Variants in COPS5 observed in about 807,000 individuals in gnomAD.
The protein encoded by COPS5 is COP9 signalosome subunit 5.
In COPS5, 8 loss-of-function variants were observed where a neutral mutation model predicts 44.4. The observed-to-expected ratio is 0.18, with a 90% CI of 0.11 to 0.32. The LOEUF (loss-of-function observed/expected upper bound fraction) is 0.32, where lower values mean the gene tolerates loss of function less well. COPS5 is among the 10% of genes least tolerant of loss of function. The pLI is 1.00. For missense variants in COPS5, 159 were observed against 406.4 expected, an observed-to-expected ratio of 0.39 and a Z score of 5.23; for synonymous variants, 122 against 142.8, an observed-to-expected ratio of 0.85 and a Z score of 1.04.
rs1049205618 is a variant in COPS5 at position 67,060,434 on chromosome 8, A to G, written c.144-989T>C. On this transcript the variant is annotated intron_variant, in intron 1 of 7. Transcript: ENST00000357849. ...CCTTTTTAGATGTCTGCCCACAGAA[A>G]GAATCCAAATTTAATTCCTAAGCTT... The G allele has an allele frequency of 3.8e-5, 49 of 1,288,452 alleles. No homozygotes were observed. In the African/African-American group the frequency reaches 7.3e-4, roughly 19 times the overall value. 79.8% of individuals were successfully genotyped at this position (1,288,452 alleles called of 1,614,324 possible).
chr8:67,061,700 G>T, intron 1 of COPS5, 154 bp downstream of exon 1: 2 of 729,820 alleles, frequency 2.7e-6, no homozygotes, highest in South Asian at 1.8e-5. Flanking sequence ...AGCCCCAGCG[G>T]AGGGCTTAGG....
Position 67,056,545 on chromosome 8 carries a change from T to A in COPS5, c.633A>T (p.Ile211=), listed in dbSNP as rs1434879762. The stretch of plus-strand genomic sequence containing the variant: ...GTTTGCAGTGTACACCAAAATCTTC[T>A]ATTTTATTAAGTGGAATAGTCTGGT... ...SEYQTIPLNK[I]EDFGVHCKQY... is the part of the protein sequence containing the mutation. Residue 211 remains isoleucine, a synonymous_variant, in exon 5 of 8, where the codon ATA becomes ATT. Transcript: ENST00000357849. The A allele has an allele frequency of 1.3e-6, 2 of 1,485,578 alleles. No homozygotes were observed. The highest frequency in any genetic ancestry group is 2.5e-5 in the South Asian group (2 of 79,404). The allele number at this position is 1,485,578 out of a possible 1,614,324, so 92.0% of individuals were successfully genotyped here.
At chr8:67,060,701 A>G (rs1804582325) in intron 1 of COPS5, 11 of 310,298 alleles carry the variant, frequency 3.5e-5, no homozygotes, top group South Asian at 2.6e-4. Context: ...TAAATTTCCT[A>G]AGGTCAATCA....
intron 5 of COPS5, among the ~76,000 whole-genome samples, chr8:67,052,419 ATTT>A (rs1284831418): frequency 7.1e-6 from 1 of 141,220 alleles, no homozygotes. Context: ...AAGGTTAAGA[ATTT>A]TTTTTTTTTT....
chr8:67,054,764 GTAGA>G (rs1182982700), intron 5 of COPS5, among the ~76,000 whole-genome samples: 2 of 152,238 alleles, frequency 1.3e-5, no homozygotes, highest in Admixed American at 6.5e-5. Context: ...AAAGAGGGCA[GTAGA>G]TAATCATTTA....
chr8:67,047,503 C>G (rs186530787), intron 6 of COPS5, among the ~76,000 whole-genome samples: 33 of 152,222 alleles, frequency 2.2e-4, no homozygotes, highest in African/African-American at 7.0e-4. Context: ...AATTACATTT[C>G]AAATGTGCAG....
chr8:67,060,217 G>T, intron 1 of COPS5: 2 of 386,612 alleles, frequency 5.2e-6, no homozygotes, highest in Non-Finnish European at 7.6e-6. Flanking sequence ...ATTACATTTT[G>T]GTCTCATTAA....
intron 5 of COPS5, among the ~76,000 whole-genome samples, chr8:67,054,072 G>C (rs1804460638): frequency 6.6e-6 from 1 of 151,738 alleles, no homozygotes; most frequent in Non-Finnish European, 1.5e-5. Flanking sequence ...TAGCAATGTA[G>C]GCCGCTAGCA....
At chr8:67,045,640 A>G in intron 7 of COPS5, 172 bp downstream of exon 7, 1 of 645,882 alleles carries the variant, frequency 1.5e-6, no homozygotes, top group East Asian at 2.8e-5. Context: ...CTAAATTTTC[A>G]AAGTTAAAAC....
At chr8:67,052,665 G>A (rs967447776) in intron 5 of COPS5, among the ~76,000 whole-genome samples, 12 of 151,598 alleles carry the variant, frequency 7.9e-5, no homozygotes, top group East Asian at 2.0e-4. Context: ...TGATCTGCCC[G>A]CCTTGGCGTC....
intron 6 of COPS5, 119 bp from the exon 7 acceptor site, chr8:67,046,079 T>C: frequency 9.6e-7 from 1 of 1,037,418 alleles, no homozygotes; most frequent in Non-Finnish European, 1.4e-6. Context: ...AATTCCACTG[T>C]AAAATCTGAG....
chr8:67,049,000 T>C (rs1431895622), intron 6 of COPS5, among the ~76,000 whole-genome samples: 2 of 152,168 alleles, frequency 1.3e-5, no homozygotes, highest in Middle Eastern at 3.2e-3. Flanking sequence ...TCAAAGTCAG[T>C]TTTATTTTTT....
Position 67,059,418 on chromosome 8 carries a change from G to A in COPS5, c.171C>T (p.Ile57=), listed in dbSNP as rs1010003084. Residue 57 remains isoleucine (I), a synonymous_variant, in exon 2 of 8, where the codon ATC becomes ATT. Coordinates refer to ENST00000357849, the MANE Select transcript of COPS5 (RefSeq NM_006837.3). The part of the protein sequence containing the change: ...KDHHYFKYCK[I]SALALLKMVM... ...CCATCTTCAGCAGAGCCAATGCTGA[G>A]ATTTTGCAGTACTTAAAGTAATGGT... is the stretch of plus-strand genomic sequence containing the variant. The A allele has an allele frequency of 6.2e-6, 10 of 1,613,668 alleles. No individual in the cohort carries two copies. The highest frequency in any genetic ancestry group is 6.8e-6 in the Non-Finnish European group (8 of 1,179,684).
chr8:67,055,076 G>A (rs1804483287), intron 5 of COPS5, among the ~76,000 whole-genome samples: 1 of 152,224 alleles, frequency 6.6e-6, no homozygotes, highest in South Asian at 2.1e-4. Context: ...TGAGCCACAT[G>A]GAAATAAGAG....
chr8:67,058,203 G>A lies in COPS5; in HGVS notation c.387C>T (p.Arg129=), dbSNP rs1314812607. ...GATACCACCCGATTGCATTTTCAAG[G>A]CGGCCAACCTAACAAATGAAGGGGC... The part of the protein sequence containing the change: ...AYIENAKQVG[R]LENAIGWYHS... Residue 129 remains arginine (R), a synonymous_variant, in exon 3 of 8, where the codon CGC becomes CGT. Coordinates refer to ENST00000357849, the MANE Select transcript of COPS5 (RefSeq NM_006837.3). 1 of 1,613,102 alleles carries A rather than the reference G, an allele frequency of 6.2e-7. No homozygotes were observed. The highest frequency in any genetic ancestry group is 1.3e-5 in the African/African-American group (1 of 74,866).
chr8:67,058,754 C>T (rs563860431), intron 2 of COPS5, among the ~76,000 whole-genome samples: 20 of 152,096 alleles, frequency 1.3e-4, no homozygotes, highest in African/African-American at 4.1e-4. Context: ...CCTGTAATCC[C>T]AGCACTTTGG....
At chr8:67,049,083 AG>A (rs1816736251) in intron 6 of COPS5, among the ~76,000 whole-genome samples, 1 of 152,232 alleles carries the variant, frequency 6.6e-6, no homozygotes, top group East Asian at 1.9e-4. Flanking sequence ...TCAGAACTTA[AG>A]TGCAATGAGC....
intron 6 of COPS5, among the ~76,000 whole-genome samples, chr8:67,048,540 C>G (rs983836206): frequency 6.6e-6 from 1 of 151,220 alleles, no homozygotes; most frequent in Non-Finnish European, 1.5e-5. Context: ...GATGGTGAAA[C>G]CCCATCTCTA....
At chr8:67,047,851 T>C in intron 6 of COPS5, 1 of 702,594 alleles carries the variant, frequency 1.4e-6, no homozygotes, top group Non-Finnish European at 2.6e-6. Flanking sequence ...GCTATTAATA[T>C]ACTTGCCTCT....
Sources: allele counts gnomAD v4.1 joint callset (sites outside exome capture counted in the v4.1 genomes callset), GRCh38; gene constraint gnomAD v4.1.1; transcripts MANE v1.5; gene names NCBI Gene and HGNC (gene_info 2026-07-23, HGNC 2026-07-21).